Variants in SORCS2 observed in about 807,000 individuals in gnomAD.
SORCS2 encodes VPS10 domain-containing receptor SorCS2.
A neutral mutation model predicts 141.6 loss-of-function variants in SORCS2; 100 were observed. The observed-to-expected ratio is 0.71, with a 90% CI of 0.60 to 0.83. The LOEUF (loss-of-function observed/expected upper bound fraction) is 0.83. SORCS2 is among the 40% of genes least tolerant of loss of function. The pLI, the probability that SORCS2 is intolerant of heterozygous loss-of-function variation, is 0.00. For missense variants in SORCS2, 1,646 were observed against 1,560.2 expected (o/e 1.05, Z -0.93); for synonymous variants, 789 against 676.9 (o/e 1.17, Z -2.57).
At position 7,691,256 on chromosome 4, in the gene SORCS2, C is replaced by T. The variant is rs75178483; in HGVS notation, c.1591+1668C>T. Among the ~76,000 whole-genome samples the T allele has an allele frequency of 5.9e-3, 894 of 152,336 alleles. 6 individuals carry two copies. Among genetic ancestry groups the T allele is most frequent in the Non-Finnish European group, 9.4e-3 (638 of 68,034 alleles). On this transcript the variant is annotated intron_variant, in intron 11 of 26. Coordinates refer to ENST00000507866, the MANE Select transcript of SORCS2 (RefSeq NM_020777.3). ...CTTACCCTTCACTATATCGCAGCAC[C>T]GAGCTGGGGCCTGGCCCAGGGTGGG...
In SORCS2 at chr4:7,385,332, A is replaced by G. The variant is rs537636722; in HGVS notation, c.481-10956A>G. ...TCTTTGAAATGGAATTGATTTCTTC[A>G]TAGAGGATGAGGGTGCAATGGGGAT... On this transcript the variant is annotated intron_variant, in intron 1 of 26. Coordinates refer to ENST00000507866, the MANE Select transcript of SORCS2 (RefSeq NM_020777.3). 6.6e-5 allele frequency among the ~76,000 whole-genome samples: 10 copies of G among 152,298 alleles called. No homozygotes were observed. The South Asian group carries it at 2.1e-3, about 32-fold the overall frequency.
intron 3 of SORCS2, among the ~76,000 whole-genome samples, chr4:7,618,297 A>C (rs1453547361): frequency 6.6e-6 from 1 of 151,868 alleles, no homozygotes; most frequent in Non-Finnish European, 1.5e-5. Context: ...TGAGTTCTCC[A>C]AACCACGAGA....
intron 4 of SORCS2, among the ~76,000 whole-genome samples, chr4:7,641,006 G>C (rs1027070239): frequency 1.3e-5 from 2 of 152,116 alleles, no homozygotes; most frequent in Admixed American, 1.3e-4. Flanking sequence ...CAGCTCCCAG[G>C]GTCAGAGAAG....
chr4:7,545,324 A>AG (rs1560375036), intron 3 of SORCS2, among the ~76,000 whole-genome samples: 2 of 152,218 alleles, frequency 1.3e-5, no homozygotes, highest in African/African-American at 4.8e-5. Flanking sequence ...CCCCAGGCTC[A>AG]GGGGCACACA....
At chr4:7,669,839 C>T (rs1387851388) in intron 8 of SORCS2, among the ~76,000 whole-genome samples, 1 of 152,234 alleles carries the variant, frequency 6.6e-6, no homozygotes, top group Non-Finnish European at 1.5e-5. Context: ...CCTGCTTTCA[C>T]AGGACACTAT....
Position 7,734,357 on chromosome 4 carries a change from C to A in SORCS2, c.3294C>A (p.Ile1098=). ...GGCTCTTCGCAGCGGGAGCCTTCAT[C>A]CTCTACAAGTTCAAAAGGCAAGGCC... ...VIGLFAAGAF[I]LYKFKRKRPG... The change falls in exon 25 of 27, where the codon ATC becomes ATA. Residue 1098 remains isoleucine (I), a synonymous_variant. Transcript: ENST00000507866. 1 of 1,569,770 alleles carries A rather than the reference C, an allele frequency of 6.4e-7. No homozygotes were observed. Among genetic ancestry groups the A allele is most frequent in the Non-Finnish European group, 8.6e-7 (1 of 1,157,852 alleles).
intron 22 of SORCS2, 120 bp from the exon 23 acceptor site, chr4:7,729,467 G>A: frequency 7.5e-7 from 1 of 1,341,880 alleles, no homozygotes; most frequent in Non-Finnish European, 1.0e-6. Context: ...CAGGGGTCAG[G>A]AACGGCCTGT....
chr4:7,702,357 T>C (rs1298481675), intron 12 of SORCS2, among the ~76,000 whole-genome samples: 3 of 151,736 alleles, frequency 2.0e-5, no homozygotes, highest in Non-Finnish European at 4.4e-5. Context: ...CGCCCACACA[T>C]GCATGTTCAC....
At chr4:7,535,584 T>C (rs982502896) in intron 3 of SORCS2, among the ~76,000 whole-genome samples, 9 of 152,222 alleles carry the variant, frequency 5.9e-5, no homozygotes, top group Admixed American at 5.2e-4. Flanking sequence ...CCTTGTCAAG[T>C]GCTCAGATCC....
At chr4:7,490,451 G>A (rs1021142503) in intron 2 of SORCS2, among the ~76,000 whole-genome samples, 42 of 152,144 alleles carry the variant, frequency 2.8e-4, no homozygotes, top group Non-Finnish European at 7.4e-5. Flanking sequence ...TCTGCCCCAG[G>A]AGGATTTGGT....
rs376680855 is a variant in SORCS2 at position 7,740,159 on chromosome 4, G to A, written c.3416-41G>A. Reference sequence around the variant, plus strand: ...CCCCTGTGGCCCTGTCTCCAGTCCCGGGCTTGTGCTCACGGGACCTGCGTC... The same window carrying A: ...CCCCTGTGGCCCTGTCTCCAGTCCCAGGCTTGTGCTCACGGGACCTGCGTC... On this transcript the variant is annotated intron_variant, in intron 26 of 26. Coordinates refer to ENST00000507866, the MANE Select transcript of SORCS2 (RefSeq NM_020777.3). 2.0e-4 allele frequency: 320 copies of A among 1,572,182 alleles called. No homozygotes were observed. In the East Asian group the frequency reaches 3.4e-3, roughly 17 times the overall value.
At chr4:7,454,356 T>G (rs1577590928) in intron 2 of SORCS2, among the ~76,000 whole-genome samples, 6 of 85,164 alleles carry the variant, frequency 7.0e-5, no homozygotes, top group Non-Finnish European at 1.2e-4. Context: ...GGCACTGTGT[T>G]GGGGTCAGGA....
chr4:7,525,802 A>C (rs1478232574), intron 2 of SORCS2, among the ~76,000 whole-genome samples: 13 of 75,434 alleles, frequency 1.7e-4, no homozygotes, highest in East Asian at 8.0e-4. Context: ...CCCTCCTCAT[A>C]CCTGTTCCCT....
intron 3 of SORCS2, among the ~76,000 whole-genome samples, chr4:7,563,298 C>T (rs904595240): frequency 6.6e-6 from 1 of 152,100 alleles, no homozygotes; most frequent in African/African-American, 2.4e-5. Flanking sequence ...TGGTCTTGGG[C>T]GTGTAGCAGA....
rs767105102 is a variant in SORCS2, at chr4:7,718,055, A to G, written c.2296A>G (p.Met766Val). Residue 766 changes from methionine (M) to valine (V), a missense_variant, in exon 18 of 27, where the codon ATG (methionine) becomes GTG (valine). Met to Val is a conservative substitution (Grantham distance 21, BLOSUM62 1). Coordinates refer to ENST00000507866, the MANE Select transcript of SORCS2 (RefSeq NM_020777.3). ...CAACGTGTGTGAGGGTGGGGTGGAC[A>G]TGCAGCAGAGTCAGGTGCAGCTGCA... is the stretch of plus-strand genomic sequence containing the variant. Reference protein sequence around the residue: ...VSNVCEGGVDMQQSQVQLQCP... With the variant: ...VSNVCEGGVDVQQSQVQLQCP... 1 of 1,610,264 alleles carries G rather than the reference A, an allele frequency of 6.2e-7. No homozygotes were observed.
chr4:7,719,038 C>G (rs4689837), intron 18 of SORCS2, among the ~76,000 whole-genome samples: 144,146 of 152,336 alleles, frequency 0.95, 68,221 homozygotes, highest in East Asian at 1. Flanking sequence ...TTCGATGCAT[C>G]CGTGTCGCAC....
At chr4:7,540,453 C>A (rs944072431) in intron 3 of SORCS2, among the ~76,000 whole-genome samples, 17 of 152,146 alleles carry the variant, frequency 1.1e-4, no homozygotes, top group Admixed American at 3.3e-4. Context: ...TGCTTTGCCA[C>A]CGCCTGTGCT....
intron 21 of SORCS2, 32 bp from the exon 22 acceptor site, chr4:7,728,318 C>A (rs763767245): frequency 1.3e-6 from 2 of 1,551,518 alleles, no homozygotes; most frequent in East Asian, 4.5e-5. Context: ...CTGTCCAGAA[C>A]TGACCAGTCT....
At position 7,366,400 on chromosome 4, in the gene SORCS2, C is replaced by A. The variant is rs563052876; in HGVS notation, c.481-29888C>A. ...GGCAGCCTGCGGGGGGATCCTGCTC[C>A]CCTGGCTCAGCACAGGAGGCGTTTC... On this transcript the variant is annotated intron_variant, in intron 1 of 26. Transcript: ENST00000507866. 7.6e-4 allele frequency among the ~76,000 whole-genome samples: 116 copies of A among 152,008 alleles called. No homozygotes were observed. The Middle Eastern group carries it at 0.01, about 13-fold the overall frequency.
Sources: gnomAD v4.1 joint callset for allele counts (sites outside exome capture counted in the v4.1 genomes callset) on GRCh38, gnomAD v4.1.1 for gene constraint, MANE v1.5 for transcripts, NCBI Gene and HGNC (gene_info 2026-07-23, HGNC 2026-07-21) for gene names.